Variants in PDGFRA observed in about 807,000 individuals in gnomAD.
PDGFRA encodes the protein platelet derived growth factor receptor alpha.
A neutral mutation model predicts 121.5 loss-of-function variants in PDGFRA; 25 were observed. The observed-to-expected ratio is 0.21, with a 90% CI of 0.15 to 0.29. The LOEUF (loss-of-function observed/expected upper bound fraction) is 0.29, where lower values mean the gene tolerates loss of function less well. PDGFRA is among the 10% of genes least tolerant of loss of function. The pLI, the probability that PDGFRA is intolerant of heterozygous loss-of-function variation, is 1.00. For synonymous variants in PDGFRA, 463 were observed against 494.8 expected, an observed-to-expected ratio of 0.94 and a Z score of 0.85; for missense variants, 1,008 against 1,345.1, an observed-to-expected ratio of 0.75 and a Z score of 3.92.
intron 4 of PDGFRA, chr4:54,264,346 G>T (rs192101449): frequency 3.5e-6 from 1 of 283,462 alleles, no homozygotes; most frequent in Admixed American, 4.9e-5. Context: ...CAGTTAGTAC[G>T]CTTGGGGAAG....
At chr4:54,264,444 T>A (rs1722922859) in intron 4 of PDGFRA, 1 of 246,902 alleles carries the variant, frequency 4.1e-6, no homozygotes, top group Non-Finnish European at 7.8e-6. Context: ...TGTTTTAAAA[T>A]CAGAGCACAG....
chr4:54,266,516 G>T (rs574315540), intron 5 of PDGFRA, among the ~76,000 whole-genome samples: 1 of 151,090 alleles, frequency 6.6e-6, no homozygotes, highest in African/African-American at 2.4e-5. Context: ...CAAAGTGTTG[G>T]GATTGATTAC....
At chr4:54,271,838 TCCTC>T (rs367615089) in intron 8 of PDGFRA, among the ~76,000 whole-genome samples, 1,238 of 122,860 alleles carry the variant, frequency 0.01, 16 homozygotes, top group Non-Finnish European at 0.017. Flanking sequence ...TCCTTCCTTT[TCCTC>T]CCTCCCTCCC....
intron 1 of PDGFRA, among the ~76,000 whole-genome samples, chr4:54,246,793 G>A (rs1352614943): frequency 6.6e-5 from 10 of 151,098 alleles, no homozygotes; most frequent in Non-Finnish European, 1.5e-4. Context: ...TTTTTTGAAA[G>A]GATCAACAAA....
rs766379425 is a variant in PDGFRA, at chr4:54,280,374, A to T, written c.2215A>T (p.Thr739Ser). Residue 739 changes from threonine (T) to serine (S), a missense_variant, in exon 16 of 23, where the codon ACT (threonine) becomes TCT (serine). By Grantham distance (58) the Thr-to-Ser change is moderately conservative. Around this residue, in one of 5 missense-constraint regions of PDGFRA, gnomAD observed 128 missense variants for 147.6 expected, o/e 0.87. Coordinates refer to ENST00000257290, the MANE Select transcript of PDGFRA (RefSeq NM_006206.6). ...CTACATGGACATGAAGCAGGCTGATACTACACAGTATGTCCCCATGCTAGA... is the reference window on the plus strand; with the variant it reads ...CTACATGGACATGAAGCAGGCTGATTCTACACAGTATGTCCCCATGCTAGA... ...GDYMDMKQAD[T>S]TQYVPMLERK... 1 of 1,612,852 alleles carries T rather than the reference A, an allele frequency of 6.2e-7. No homozygotes were observed.
intron 22 of PDGFRA, among the ~76,000 whole-genome samples, chr4:54,294,579 C>A (rs944707722): frequency 4.6e-5 from 7 of 152,074 alleles, no homozygotes; most frequent in Non-Finnish European, 8.8e-5. Flanking sequence ...CAGAACTCCC[C>A]TTTCAGCCAC....
intron 16 of PDGFRA, among the ~76,000 whole-genome samples, chr4:54,284,504 G>T (rs1724213461): frequency 6.6e-6 from 1 of 151,822 alleles, no homozygotes; most frequent in South Asian, 2.1e-4. Flanking sequence ...CAATCATGGT[G>T]GAAGGTAAAG....
At chr4:54,293,429 C>CTTTTTTTT (rs35064429) in intron 22 of PDGFRA, among the ~76,000 whole-genome samples, 5 of 116,126 alleles carry the variant, frequency 4.3e-5, no homozygotes, top group Non-Finnish European at 5.0e-5. Flanking sequence ...CCTAGAATTT[C>CTTTTTTTT]TTTTTTTTTT....
chr4:54,269,642 A>T, intron 7 of PDGFRA, among the ~76,000 whole-genome samples: 1 of 144,440 alleles, frequency 6.9e-6, no homozygotes, highest in Non-Finnish European at 1.5e-5. Flanking sequence ...TATTTTTTCT[A>T]ACTTTTTTTT....
At chr4:54,263,958 T>C (rs1184145121) in intron 4 of PDGFRA, 31 bp downstream of exon 4, 1 of 1,604,486 alleles carries the variant, frequency 6.2e-7, no homozygotes. Flanking sequence ...CTTCTTTAAA[T>C]AAGAGTAACA....
chr4:54,262,922 C>G (rs1156831822), intron 3 of PDGFRA, among the ~76,000 whole-genome samples: 1 of 152,186 alleles, frequency 6.6e-6, no homozygotes. Flanking sequence ...GCCCCTGCAT[C>G]GCTGTCTGAC....
chr4:54,231,519 C>T (rs978399399), intron 1 of PDGFRA, among the ~76,000 whole-genome samples: 1 of 152,242 alleles, frequency 6.6e-6, no homozygotes, highest in African/African-American at 2.4e-5. Flanking sequence ...CGCGCTGTCC[C>T]ATCCCCGACC....
chr4:54,287,969 C>G (rs1186388104), intron 19 of PDGFRA, among the ~76,000 whole-genome samples: 2 of 152,104 alleles, frequency 1.3e-5, no homozygotes, highest in East Asian at 1.9e-4. Context: ...GGCTCTCATT[C>G]CTGGTTGTCA....
intron 22 of PDGFRA, among the ~76,000 whole-genome samples, chr4:54,291,963 C>T (rs1351209067): frequency 6.6e-6 from 1 of 151,060 alleles, no homozygotes; most frequent in Non-Finnish European, 1.5e-5. Flanking sequence ...AGAACAAGAT[C>T]TGAGATACCA....
intron 22 of PDGFRA, 124 bp downstream of exon 22, chr4:54,290,678 C>A: frequency 9.2e-7 from 1 of 1,081,534 alleles, no homozygotes. Flanking sequence ...GGACAAGTTG[C>A]AGAATCCTCA....
intron 1 of PDGFRA, among the ~76,000 whole-genome samples, chr4:54,251,182 C>T (rs1722039373): frequency 6.6e-6 from 1 of 151,956 alleles, no homozygotes; most frequent in African/African-American, 2.4e-5. Context: ...AGGAATGTGG[C>T]CCAATATCAG....
chr4:54,278,776 T>C (rs764278957), intron 15 of PDGFRA: 3 of 618,228 alleles, frequency 4.9e-6, no homozygotes, highest in Non-Finnish European at 9.0e-6. Flanking sequence ...CTGGGAGCTC[T>C]TCTGCTATTT....
At chr4:54,234,556 T>G (rs1720904103) in intron 1 of PDGFRA, among the ~76,000 whole-genome samples, 1 of 152,276 alleles carries the variant, frequency 6.6e-6, no homozygotes, top group South Asian at 2.1e-4. Flanking sequence ...AATAGGTGAC[T>G]GATTTTCTTT....
chr4:54,284,049 C>T (rs1184884342), intron 16 of PDGFRA, among the ~76,000 whole-genome samples: 1 of 152,248 alleles, frequency 6.6e-6, no homozygotes, highest in African/African-American at 2.4e-5. Context: ...TCATCACTCT[C>T]AAGTTCAAAC....
Sources: gnomAD v4.1 joint callset for allele counts (sites outside exome capture counted in the v4.1 genomes callset) on GRCh38, gnomAD v4.1.1 for gene constraint, gnomAD v4.1.1 regional missense constraint, MANE v1.5 for transcripts, NCBI Gene and HGNC (gene_info 2026-07-23, HGNC 2026-07-21) for gene names.